MED27: variants seen among roughly 807,000 people sequenced by gnomAD.
MED27 encodes mediator complex subunit 27, also known as mediator of RNA polymerase II transcription subunit 27.
Under a neutral mutation model 38.2 loss-of-function variants are expected in MED27, and 30 were observed. That is an observed-to-expected ratio of 0.79 (90% CI 0.59 to 1.07). MED27 has a LOEUF of 1.07. Ranked by LOEUF, MED27 falls within the 50% of genes least tolerant of loss-of-function variation. The probability of loss-of-function intolerance (pLI) is 0.00; values close to 1 mark genes in which losing one functional copy is unlikely to be tolerated. For missense variants in MED27, 289 were observed against 397.5 expected, an observed-to-expected ratio of 0.73 and a Z score of 2.32; for synonymous variants, 122 against 153.5, an observed-to-expected ratio of 0.79 and a Z score of 1.52.
At chr9:131,864,944 C>G (rs1387445396) in intron 6 of MED27, among the ~76,000 whole-genome samples, 2 of 152,276 alleles carry the variant, frequency 1.3e-5, no homozygotes, top group African/African-American at 4.8e-5. Flanking sequence ...CTCTTCTGCT[C>G]TGCCTGGGCC....
intron 2 of MED27, among the ~76,000 whole-genome samples, chr9:132,028,038 G>A (rs992978263): frequency 1.3e-5 from 2 of 152,114 alleles, no homozygotes; most frequent in Non-Finnish European, 2.9e-5. Flanking sequence ...ACACACAGCC[G>A]GACAACCTAC....
chr9:131,860,719 C>T lies in MED27; in HGVS notation c.802-47G>A, dbSNP rs1308231563. The T allele has an allele frequency of 6.3e-7, 1 of 1,597,720 alleles. No homozygotes were observed. Among genetic ancestry groups the T allele is most frequent in the Middle Eastern group, 1.7e-4 (1 of 6,042 alleles). On this transcript the variant is annotated intron_variant, in intron 7 of 7. Coordinates refer to ENST00000292035, the MANE Select transcript of MED27 (RefSeq NM_004269.4). This position sits in a 1 kb window ranked among gnomAD's most constrained non-coding sequence, Gnocchi z 5.8. ...GAAGTGAAAGAATGGGATACGGGTG[C>T]TCCCAAAGTCCTCCTTCCTATCAAG...
chr9:132,065,812 G>A (rs1833798491), intron 2 of MED27, among the ~76,000 whole-genome samples: 1 of 152,238 alleles, frequency 6.6e-6, no homozygotes, highest in Non-Finnish European at 1.5e-5. Context: ...TGTCGCCCGG[G>A]GGAAAAGGCA....
chr9:131,896,312 G>C (rs1262524553), intron 4 of MED27, among the ~76,000 whole-genome samples: 2 of 152,176 alleles, frequency 1.3e-5, no homozygotes. Flanking sequence ...GCCACTGTTT[G>C]TAACTGCACA....
intron 3 of MED27, among the ~76,000 whole-genome samples, chr9:132,009,621 T>C (rs147373113): frequency 6.6e-6 from 1 of 152,128 alleles, no homozygotes; most frequent in Non-Finnish European, 1.5e-5. Context: ...ACCTTGCAAG[T>C]GGAGCTCCTA....
chr9:131,958,412 A>AT (rs1554760557), intron 3 of MED27, among the ~76,000 whole-genome samples: 1 of 151,828 alleles, frequency 6.6e-6, no homozygotes, highest in Non-Finnish European at 1.5e-5. Flanking sequence ...TGCCTGGCTA[A>AT]TTTTTTTGTA....
At chr9:131,908,300 G>A (rs1379683991) in intron 4 of MED27, among the ~76,000 whole-genome samples, 3 of 151,878 alleles carry the variant, frequency 2.0e-5, no homozygotes, top group East Asian at 3.9e-4. Context: ...CGGGAGGTGA[G>A]GGGCGCCTCT....
chr9:131,876,141 TG>T lies in MED27; in HGVS notation c.723+7916del, dbSNP rs1223173009. On this transcript the variant is annotated intron_variant, in intron 6 of 7. Coordinates refer to ENST00000292035, the MANE Select transcript of MED27 (RefSeq NM_004269.4). Reference sequence around the variant, plus strand: ...CCCATGCATGGAGTTTACAGCCCTATGGGCTGAGGACGGAGACCTGGGGAAT... The same window carrying T: ...CCCATGCATGGAGTTTACAGCCCTATGGCTGAGGACGGAGACCTGGGGAAT... Among the ~76,000 whole-genome samples, 5 of 152,184 alleles carry T rather than the reference TG, an allele frequency of 3.3e-5. No homozygotes were observed. The East Asian group carries it at 9.6e-4, about 29-fold the overall frequency.
chr9:131,968,887 C>G (rs1831414249), intron 3 of MED27, among the ~76,000 whole-genome samples: 1 of 152,144 alleles, frequency 6.6e-6, no homozygotes, highest in Admixed American at 6.5e-5. Context: ...CAGCAGCCGC[C>G]TTAGATTCTC....
chr9:132,073,301 T>C (rs1258384358), intron 2 of MED27: 11 of 984,432 alleles, frequency 1.1e-5, no homozygotes, highest in South Asian at 4.7e-5. Flanking sequence ...TCATCAAAAA[T>C]ACAAGCAAGC....
intron 4 of MED27, among the ~76,000 whole-genome samples, chr9:131,903,080 A>AT (rs1204852494): frequency 9.3e-5 from 13 of 139,218 alleles, no homozygotes; most frequent in South Asian, 4.5e-4. Context: ...AGTGGTGGCC[A>AT]CGGGTGTATT....
At chr9:132,065,424 C>T (rs140782083) in intron 2 of MED27, among the ~76,000 whole-genome samples, 16 of 152,156 alleles carry the variant, frequency 1.1e-4, no homozygotes, top group East Asian at 5.8e-4. Flanking sequence ...TGACCAAGTA[C>T]GATTCCTGTT....
intron 2 of MED27, among the ~76,000 whole-genome samples, chr9:132,065,160 C>G (rs1393497892): frequency 6.6e-6 from 1 of 152,210 alleles, no homozygotes; most frequent in Non-Finnish European, 1.5e-5. Flanking sequence ...TTTTCTCACA[C>G]GTTAATGCAT....
At chr9:131,902,969 C>A (rs1010795363) in intron 4 of MED27, among the ~76,000 whole-genome samples, 3 of 152,112 alleles carry the variant, frequency 2.0e-5, no homozygotes, top group Admixed American at 2.0e-4. Flanking sequence ...AGTCACTTAC[C>A]CTCTTTAGGC....
chr9:131,968,978 G>T (rs536650804), intron 3 of MED27, among the ~76,000 whole-genome samples: 1 of 152,172 alleles, frequency 6.6e-6, no homozygotes, highest in African/African-American at 2.4e-5. Context: ...AATGCCTGAT[G>T]ATCTGTCACT....
intron 4 of MED27, among the ~76,000 whole-genome samples, chr9:131,904,190 C>A (rs921319996): frequency 6.6e-6 from 1 of 152,084 alleles, no homozygotes; most frequent in Non-Finnish European, 1.5e-5. Flanking sequence ...TGAGCCACTG[C>A]GACCAGCCCA....
chr9:132,043,400 T>C (rs1201060824), intron 2 of MED27, among the ~76,000 whole-genome samples: 5 of 150,866 alleles, frequency 3.3e-5, no homozygotes, highest in Non-Finnish European at 7.4e-5. Context: ...TTGGAGGAAC[T>C]AGAAGGAGAG....
Position 132,063,838 on chromosome 9 carries a change from C to T in MED27, c.348+13604G>A, listed in dbSNP as rs1027613512. Among the ~76,000 whole-genome samples, 4 of 152,132 alleles carry T rather than the reference C, an allele frequency of 2.6e-5. 1 individual carries two copies. Among genetic ancestry groups the T allele is most frequent in the South Asian group, 4.1e-4 (2 of 4,826 alleles). On this transcript the variant is annotated intron_variant, in intron 2 of 7. Transcript: ENST00000292035. ...ACTGGGCACCTACTATGTGCCAGCC[C>T]GAGCTAGGTGCATTCACCACCCGGA...
chr9:132,008,302 T>C (rs541192772), intron 3 of MED27, among the ~76,000 whole-genome samples: 4 of 152,334 alleles, frequency 2.6e-5, no homozygotes, highest in African/African-American at 4.8e-5. Context: ...AAATAAGATA[T>C]AGCCACTCTC....
Sources: gnomAD v4.1 joint callset for allele counts (sites outside exome capture counted in the v4.1 genomes callset) on GRCh38, gnomAD v4.1.1 for gene constraint, Gnocchi (gnomAD v3.1) non-coding constraint, MANE v1.5 for transcripts, NCBI Gene and HGNC (gene_info 2026-07-23, HGNC 2026-07-21) for gene names.